The following SLC6A11 variants were observed in gnomAD, a reference collection of about 807,000 sequenced individuals.
SLC6A11 encodes the protein solute carrier family 6 member 11.
In SLC6A11, 25 loss-of-function variants were observed where a neutral mutation model predicts 74.8. The ratio of observed to expected loss-of-function variants is 0.33; its 90% CI spans 0.24 to 0.47. The LOEUF is 0.47. Ranked by LOEUF, SLC6A11 falls within the 20% of genes least tolerant of loss-of-function variation. The pLI is 1.00. For synonymous variants in SLC6A11, 330 were observed against 330.2 expected (o/e 1.00, Z 0.01); for missense variants, 574 against 837.0 (o/e 0.69, Z 3.88).
chr3:10,892,188 T>C (rs532888746), intron 6 of SLC6A11, among the ~76,000 whole-genome samples: 36 of 152,264 alleles, frequency 2.4e-4, no homozygotes, highest in Non-Finnish European at 4.6e-4. Context: ...CTCTGAAAAC[T>C]CACTGGTGTG....
chr3:10,822,129 A>G (rs780231747), intron 3 of SLC6A11, among the ~76,000 whole-genome samples: 62 of 152,366 alleles, frequency 4.1e-4, no homozygotes, highest in Non-Finnish European at 7.8e-4. Flanking sequence ...TGTGTGAAAC[A>G]TCACACATAG....
In SLC6A11 at chr3:10,875,085, C is replaced by G; in HGVS notation, c.881C>G (p.Ser294Cys). ...FYLYPDLSRL[S>C]DPQVWVDAGT... is the part of the protein sequence containing the mutation. Reference sequence around the variant, plus strand: ...TTGTACCCTGACCTCTCCCGGCTCTCCGACCCCCAGGTAAGAGTCGCTTGC... The same window carrying G: ...TTGTACCCTGACCTCTCCCGGCTCTGCGACCCCCAGGTAAGAGTCGCTTGC... The change falls in exon 6 of 14, where the codon TCC becomes TGC. Residue 294 changes from serine to cysteine, a missense_variant. Transcript: ENST00000254488. The G allele has an allele frequency of 6.2e-7, 1 of 1,608,628 alleles. No individual in the cohort carries two copies. Among genetic ancestry groups the G allele is most frequent in the Non-Finnish European group, 8.5e-7 (1 of 1,176,138 alleles).
chr3:10,859,193 A>T (rs2106593401), intron 5 of SLC6A11, among the ~76,000 whole-genome samples: 1 of 152,344 alleles, frequency 6.6e-6, no homozygotes, highest in South Asian at 2.1e-4. Context: ...GGTAGGAGAT[A>T]GTGACAACTT....
intron 5 of SLC6A11, among the ~76,000 whole-genome samples, chr3:10,859,111 C>T (rs1575678729): frequency 6.6e-6 from 1 of 151,816 alleles, no homozygotes. Context: ...TATAAAAAGG[C>T]CACCATAAAA....
rs1238820125 is a variant in SLC6A11 at position 10,843,312 on chromosome 3, T to C, written c.624-902T>C. Reference sequence around the variant, plus strand: ...GGCCCTCTGGGAAGCCTCTACACTTTGGCATGATAGTCAAGGCTCCCTGTG... The same window carrying C: ...GGCCCTCTGGGAAGCCTCTACACTTCGGCATGATAGTCAAGGCTCCCTGTG... On this transcript the variant is annotated intron_variant, in intron 4 of 13. Coordinates refer to ENST00000254488, the MANE Select transcript of SLC6A11 (RefSeq NM_014229.3). Among the ~76,000 whole-genome samples, 9 of 152,270 alleles carry C rather than the reference T, an allele frequency of 5.9e-5. No individual in the cohort carries two copies. The South Asian group carries it at 1.7e-3, about 28-fold the overall frequency.
chr3:10,883,067 G>A (rs551472250), intron 6 of SLC6A11, among the ~76,000 whole-genome samples: 2 of 152,040 alleles, frequency 1.3e-5, no homozygotes, highest in South Asian at 2.1e-4. Context: ...GCGGGGAGGT[G>A]GGGGGGCGCT....
intron 6 of SLC6A11, among the ~76,000 whole-genome samples, chr3:10,876,824 C>A (rs1575686041): frequency 7.1e-6 from 1 of 140,872 alleles, no homozygotes; most frequent in Non-Finnish European, 1.5e-5. Flanking sequence ...AGAGGTGAGG[C>A]AGGCCAGGCC....
intron 8 of SLC6A11, among the ~76,000 whole-genome samples, chr3:10,922,286 A>G (rs1197938058): frequency 2.0e-5 from 3 of 152,212 alleles, no homozygotes; most frequent in African/African-American, 7.2e-5. Context: ...GCACCATGTT[A>G]ATAGATCTAA....
chr3:10,938,572 C>T lies in SLC6A11; in HGVS notation c.*170C>T. 1.8e-6 allele frequency: 1 copy of T among 543,738 alleles called. No homozygotes were observed. Among genetic ancestry groups the T allele is most frequent in the Non-Finnish European group, 3.1e-6 (1 of 319,526 alleles). The allele number at this position is 543,738 out of a possible 1,614,324, so 33.7% of individuals were successfully genotyped here. ...GTACACTGCTCTAAAGTCATATCCC[C>T]TCCCCGCCCCCAGTCATCATGGAAG... is the stretch of plus-strand genomic sequence containing the variant. On this transcript the variant is annotated 3_prime_UTR_variant, in exon 14 of 14. Coordinates refer to ENST00000254488, the MANE Select transcript of SLC6A11 (RefSeq NM_014229.3).
intron 6 of SLC6A11, among the ~76,000 whole-genome samples, chr3:10,896,966 G>A (rs752105313): frequency 1.8e-4 from 27 of 152,184 alleles, no homozygotes; most frequent in Non-Finnish European, 3.7e-4. Context: ...ACAGTTCCAC[G>A]TGGCTGGGGA....
At chr3:10,887,825 G>A (rs1402751623) in intron 6 of SLC6A11, among the ~76,000 whole-genome samples, 1 of 152,226 alleles carries the variant, frequency 6.6e-6, no homozygotes, top group African/African-American at 2.4e-5. Context: ...GAGGTGGAAA[G>A]TCTGCAGATA....
intron 7 of SLC6A11, among the ~76,000 whole-genome samples, chr3:10,913,590 A>G (rs1382439993): frequency 1.3e-5 from 2 of 152,278 alleles, no homozygotes; most frequent in African/African-American, 2.4e-5. Context: ...GAGCATCCCA[A>G]CAACGTATGA....
intron 6 of SLC6A11, among the ~76,000 whole-genome samples, chr3:10,877,164 G>T (rs768767689): frequency 6.6e-6 from 1 of 152,158 alleles, no homozygotes; most frequent in Non-Finnish European, 1.5e-5. Context: ...TTTACATATT[G>T]TTATCCATGG....
In SLC6A11 at chr3:10,878,930, A is replaced by G. The variant is rs117274224; in HGVS notation, c.891+3835A>G. On this transcript the variant is annotated intron_variant, in intron 6 of 13. Transcript: ENST00000254488. The stretch of plus-strand genomic sequence containing the variant: ...TTGAACAGGTATTTTCTGAGTGCCT[A>G]CTCTGTGTCAGAGATTATTGTAGGC... 8.7e-4 allele frequency among the ~76,000 whole-genome samples: 132 copies of G among 152,148 alleles called. No homozygotes were observed. The East Asian group carries it at 0.015, about 18-fold the overall frequency.
At chr3:10,830,977 T>A (rs996058929) in intron 4 of SLC6A11, among the ~76,000 whole-genome samples, 3 of 152,154 alleles carry the variant, frequency 2.0e-5, no homozygotes, top group African/African-American at 7.2e-5. Flanking sequence ...GGTGGTGCCC[T>A]GCACTGTTGG....
At chr3:10,833,262 A>G (rs961173756) in intron 4 of SLC6A11, among the ~76,000 whole-genome samples, 11 of 152,100 alleles carry the variant, frequency 7.2e-5, no homozygotes, top group African/African-American at 2.7e-4. Context: ...GGGTTTCACC[A>G]TGTTGGCCAG....
chr3:10,890,525 T>G (rs1398010398), intron 6 of SLC6A11, among the ~76,000 whole-genome samples: 2 of 152,268 alleles, frequency 1.3e-5, no homozygotes, highest in Non-Finnish European at 2.9e-5. Context: ...TGGTGCTGAC[T>G]CAGTCAGTGT....
chr3:10,841,272 G>A (rs908064097), intron 4 of SLC6A11, among the ~76,000 whole-genome samples: 4 of 152,078 alleles, frequency 2.6e-5, no homozygotes, highest in African/African-American at 9.7e-5. Context: ...CCTTTCTTCT[G>A]TCCCAGCATT....
intron 6 of SLC6A11, among the ~76,000 whole-genome samples, chr3:10,901,267 G>A (rs1224247324): frequency 1.3e-5 from 2 of 152,172 alleles, no homozygotes; most frequent in East Asian, 3.9e-4. Flanking sequence ...TTAAGGGGAG[G>A]CCAACTGCCC....
Sources: gnomAD v4.1 joint callset for allele counts (sites outside exome capture counted in the v4.1 genomes callset) on GRCh38, gnomAD v4.1.1 for gene constraint, MANE v1.5 for transcripts, NCBI Gene and HGNC (gene_info 2026-07-23, HGNC 2026-07-21) for gene names.